Variants in SSBP3 observed in about 807,000 individuals in gnomAD.
The protein encoded by SSBP3 is single stranded DNA binding protein 3, also known as single-stranded DNA-binding protein 3.
In SSBP3, 5 loss-of-function variants were observed where a neutral mutation model predicts 69.6. The ratio of observed to expected loss-of-function variants is 0.07; its 90% CI spans 0.04 to 0.15. The LOEUF (loss-of-function observed/expected upper bound fraction) is 0.15. Among genes scored for constraint, SSBP3 ranks in the 10% least tolerant of loss-of-function variants. The probability of loss-of-function intolerance (pLI) is 1.00; values close to 1 mark genes in which losing one functional copy is unlikely to be tolerated. For missense variants in SSBP3, 312 were observed against 534.0 expected (o/e 0.58, Z 4.10); for synonymous variants, 196 against 193.4 (o/e 1.01, Z -0.11).
chr1:54,406,036 T>TCGCCGA, exon 1 of SSBP3: 1 of 1,329,340 alleles, frequency 7.5e-7, no homozygotes, highest in East Asian at 3.3e-5. Flanking sequence ...GCGCCGAGCC[T>TCGCCGA]CGCCGCCGCC....
intron 9 of SSBP3, among the ~76,000 whole-genome samples, chr1:54,249,165 G>C (rs1328826718): frequency 6.6e-6 from 1 of 152,236 alleles, no homozygotes; most frequent in East Asian, 1.9e-4. Flanking sequence ...TGAACTGCCA[G>C]CACACCCTGC....
intron 4 of SSBP3, among the ~76,000 whole-genome samples, chr1:54,318,965 C>CATT (rs1298780883): frequency 6.6e-6 from 1 of 152,110 alleles, no homozygotes; most frequent in Admixed American, 6.6e-5. Flanking sequence ...TGGCAATTCC[C>CATT]ATTCTATGGA....
chr1:54,406,577 G>T (rs1489051063), upstream of SSBP3, among the ~76,000 whole-genome samples: 2 of 151,784 alleles, frequency 1.3e-5, no homozygotes, highest in Non-Finnish European at 1.5e-5. Context: ...CGGAGCCGCT[G>T]CCTGCTCCTG....
chr1:54,281,573 A>G, intron 4 of SSBP3, 46 bp from the exon 5 acceptor site: 9 of 1,512,316 alleles, frequency 6.0e-6, no homozygotes, highest in Non-Finnish European at 8.1e-6. Context: ...ACCCACAACC[A>G]GAGACACAGA....
chr1:54,346,498 T>C (rs893287682), intron 4 of SSBP3, among the ~76,000 whole-genome samples: 5 of 152,084 alleles, frequency 3.3e-5, no homozygotes, highest in South Asian at 2.1e-4. Flanking sequence ...CCCCAGTACC[T>C]GTGAATGGGC....
intron 4 of SSBP3, among the ~76,000 whole-genome samples, chr1:54,352,396 G>A (rs990662826): frequency 2.0e-5 from 3 of 152,124 alleles, no homozygotes; most frequent in Non-Finnish European, 4.4e-5. Flanking sequence ...TGGCTGACTG[G>A]TAAGGTGGCT....
intron 5 of SSBP3, among the ~76,000 whole-genome samples, chr1:54,279,255 C>G (rs889709284): frequency 6.6e-6 from 1 of 152,212 alleles, no homozygotes; most frequent in African/African-American, 2.4e-5. Context: ...CAAAAGTTAC[C>G]TCTGTTTGAT....
At chr1:54,330,301 G>A (rs930163407) in intron 4 of SSBP3, among the ~76,000 whole-genome samples, 1 of 152,188 alleles carries the variant, frequency 6.6e-6, no homozygotes. Flanking sequence ...AGGACTGCTG[G>A]TGACCAAGAG....
At chr1:54,370,345 C>T (rs539768764) in intron 4 of SSBP3, among the ~76,000 whole-genome samples, 5 of 152,266 alleles carry the variant, frequency 3.3e-5, no homozygotes, top group African/African-American at 7.2e-5. Flanking sequence ...CCTTGCATGG[C>T]GATGCTATTC....
upstream of SSBP3, among the ~76,000 whole-genome samples, chr1:54,409,195 C>CCT (rs1649925652): frequency 6.6e-6 from 1 of 152,158 alleles, no homozygotes. Context: ...ATGCTTCCTG[C>CCT]CTCAGTTCCC....
At chr1:54,265,627 T>C (rs1167345389) in intron 5 of SSBP3, among the ~76,000 whole-genome samples, 4 of 152,156 alleles carry the variant, frequency 2.6e-5, no homozygotes, top group African/African-American at 4.8e-5. Flanking sequence ...TTTAGAGGTC[T>C]GGCAATGGTG....
chr1:54,271,374 CTGGGA>C (rs1439965574), intron 5 of SSBP3, among the ~76,000 whole-genome samples: 5 of 152,186 alleles, frequency 3.3e-5, no homozygotes, highest in Admixed American at 6.5e-5. Flanking sequence ...TCTCAAAGTG[CTGGGA>C]TTTGCAGGTA....
chr1:54,362,287 T>C (rs1646962601), intron 4 of SSBP3, among the ~76,000 whole-genome samples: 2 of 152,226 alleles, frequency 1.3e-5, no homozygotes, highest in Non-Finnish European at 1.5e-5. Context: ...AGCAAGCAGC[T>C]GCTCAACTAA....
intron 4 of SSBP3, among the ~76,000 whole-genome samples, chr1:54,363,402 T>C (rs1307698145): frequency 2.2e-5 from 3 of 133,542 alleles, no homozygotes; most frequent in Middle Eastern, 3.5e-3. Context: ...TTAGCACAAT[T>C]CAAAAGTATT....
chr1:54,261,406 A>G (rs1237956855), intron 5 of SSBP3, among the ~76,000 whole-genome samples: 1 of 152,226 alleles, frequency 6.6e-6, no homozygotes, highest in Non-Finnish European at 1.5e-5. Context: ...CCACTCGGGC[A>G]AAAGGCTACA....
chr1:54,313,686 G>C (rs565119435), intron 4 of SSBP3, among the ~76,000 whole-genome samples: 1 of 150,552 alleles, frequency 6.6e-6, no homozygotes, highest in South Asian at 2.1e-4. Flanking sequence ...TGCAGTGCTC[G>C]TAAGCAGATG....
At chr1:54,231,741 C>CTGGA (rs1644382327) in intron 14 of SSBP3, among the ~76,000 whole-genome samples, 1 of 152,192 alleles carries the variant, frequency 6.6e-6, no homozygotes, top group Non-Finnish European at 1.5e-5. Flanking sequence ...GTCGGCCAGG[C>CTGGA]TGGAGTGCAG....
At chr1:54,360,445 T>C (rs1438767118) in intron 4 of SSBP3, among the ~76,000 whole-genome samples, 1 of 152,198 alleles carries the variant, frequency 6.6e-6, no homozygotes, top group Admixed American at 6.5e-5. Context: ...CTTCACTCTC[T>C]AAAACATCTC....
intron 7 of SSBP3, among the ~76,000 whole-genome samples, chr1:54,256,507 T>C (rs1173374181): frequency 6.6e-6 from 1 of 152,046 alleles, no homozygotes; most frequent in Non-Finnish European, 1.5e-5. Context: ...GCGTAAGGCA[T>C]ATGACCCCAG....
Sources: gnomAD v4.1 joint callset for allele counts (sites outside exome capture counted in the v4.1 genomes callset) on GRCh38, gnomAD v4.1.1 for gene constraint, MANE v1.5 for transcripts, NCBI Gene and HGNC (gene_info 2026-07-23, HGNC 2026-07-21) for gene names.